Variants in STON2 observed in about 807,000 individuals in gnomAD.
STON2 encodes the protein stonin-2.
In STON2, 29 loss-of-function variants were observed where a neutral mutation model predicts 65.7. The observed-to-expected ratio is 0.44, with a 90% CI of 0.33 to 0.60. STON2 has a LOEUF of 0.60. Among genes scored for constraint, STON2 ranks in the 20% least tolerant of loss-of-function variants. The pLI is 0.03. For missense variants in STON2, 1,054 were observed against 1,118.1 expected, an observed-to-expected ratio of 0.94 and a Z score of 0.82; for synonymous variants, 404 against 414.2, an observed-to-expected ratio of 0.98 and a Z score of 0.30.
rs1899681824 is a variant in STON2, at chr14:81,384,316, C to CCT, written c.373+11577_373+11578insAG. Among the ~76,000 whole-genome samples the CCT allele has an allele frequency of 2.6e-5, 4 of 152,238 alleles. No homozygotes were observed. The South Asian group carries it at 8.3e-4, about 32-fold the overall frequency. On this transcript the variant is annotated intron_variant, in intron 3 of 7. Transcript: ENST00000614646. ...AGGCTGGAGTGTAGTGGCACAATCT[C>CCT]AACTCACTGCAACCTCTGCTTCCCC...
intron 5 of STON2, among the ~76,000 whole-genome samples, chr14:81,323,078 T>C (rs781651948): frequency 7.2e-5 from 11 of 152,248 alleles, no homozygotes; most frequent in Non-Finnish European, 1.3e-4. Flanking sequence ...CATGTAGCCT[T>C]GTCTTTCCTA....
Position 81,262,475 on chromosome 14 carries a change from C to A in STON2, c.*5939G>T. 1.0e-6 allele frequency: 1 copy of A among 983,418 alleles called. No homozygotes were observed. The highest frequency in any genetic ancestry group is 1.2e-6 in the Non-Finnish European group (1 of 828,036). 60.9% of individuals were successfully genotyped at this position (983,418 alleles called of 1,614,324 possible). ...TTTTCCTGGAGCTTCTTACTTTTAA[C>A]TTTAAGAGATGGCTTCTAGTTCAAG... On this transcript the variant is annotated 3_prime_UTR_variant, in exon 8 of 8. Coordinates refer to ENST00000614646, the MANE Select transcript of STON2 (RefSeq NM_001394390.1).
chr14:81,284,071 T>A (rs966599827), intron 5 of STON2, among the ~76,000 whole-genome samples: 1 of 152,212 alleles, frequency 6.6e-6, no homozygotes, highest in African/African-American at 2.4e-5. Context: ...CAATAAAATG[T>A]GTGTGTTCTG....
Position 81,361,117 on chromosome 14 carries a change from A to G in STON2, c.571+9871T>C, listed in dbSNP as rs150393886. Among the ~76,000 whole-genome samples the G allele has an allele frequency of 3.4e-3, 525 of 152,256 alleles. 4 individuals are homozygous for G. Among genetic ancestry groups the G allele is most frequent in the Non-Finnish European group, 5.3e-3 (361 of 67,986 alleles). On this transcript the variant is annotated intron_variant, in intron 4 of 7. Transcript: ENST00000614646. Reference sequence around the variant, plus strand: ...CAATCCCTATCAAAATTCCAATGTCATTTTTCATTAAAATAGAAAACAATC... The same window carrying G: ...CAATCCCTATCAAAATTCCAATGTCGTTTTTCATTAAAATAGAAAACAATC...
intron 4 of STON2, among the ~76,000 whole-genome samples, chr14:81,332,747 TAATAA>T (rs1284357334): frequency 6.6e-6 from 1 of 152,190 alleles, no homozygotes; most frequent in East Asian, 1.9e-4. Flanking sequence ...ATAATAACTA[TAATAA>T]AATAATAATA....
rs1299030093 is a variant in STON2 at position 81,277,235 on chromosome 14, C to T, written c.2247G>A (p.Thr749=). The change falls in exon 6 of 8, where the codon ACG becomes ACA. Residue 749 remains threonine, a synonymous_variant. Transcript: ENST00000614646. ...AEKTLPFTLR[T]ATSVNGAEVE... is the part of the protein sequence containing the mutation. ...CCTCTGCCCCATTGACACTTGTGGC[C>T]GTCCTGAGTGTGAAAGGCAAGGTCT... 2.0e-5 allele frequency: 33 copies of T among 1,614,070 alleles called. No homozygotes were observed. The highest frequency in any genetic ancestry group is 2.5e-5 in the Non-Finnish European group (30 of 1,180,034).
intron 5 of STON2, among the ~76,000 whole-genome samples, chr14:81,287,732 A>T (rs1045225792): frequency 6.6e-6 from 1 of 152,120 alleles, no homozygotes; most frequent in Non-Finnish European, 1.5e-5. Context: ...CTCTGGTTCT[A>T]AACTTCTGCC....
At chr14:81,369,849 C>G (rs796257619) in intron 4 of STON2, among the ~76,000 whole-genome samples, 1 of 152,194 alleles carries the variant, frequency 6.6e-6, no homozygotes, top group Non-Finnish European at 1.5e-5. Flanking sequence ...GCCTCAGCTG[C>G]TGAAGGTGTG....
chr14:81,381,688 G>A (rs767772958), intron 3 of STON2, among the ~76,000 whole-genome samples: 1 of 152,146 alleles, frequency 6.6e-6, no homozygotes, highest in African/African-American at 2.4e-5. Flanking sequence ...TGCAGCTGAG[G>A]AAATGGAGCC....
chr14:81,426,340 T>G (rs1341167599), intron 2 of STON2, among the ~76,000 whole-genome samples: 1 of 152,154 alleles, frequency 6.6e-6, no homozygotes, highest in Non-Finnish European at 1.5e-5. Flanking sequence ...AAGCACAAAC[T>G]AGAAACCTCG....
intron 5 of STON2, among the ~76,000 whole-genome samples, chr14:81,317,934 A>T (rs1289525597): frequency 6.6e-6 from 1 of 151,938 alleles, no homozygotes; most frequent in African/African-American, 2.4e-5. Flanking sequence ...TATCTTCAGG[A>T]CTTTCTCTTT....
intron 4 of STON2, 84 bp downstream of exon 4, chr14:81,370,904 A>G (rs1169554984): frequency 1.5e-6 from 2 of 1,295,040 alleles, no homozygotes; most frequent in East Asian, 2.3e-5. Context: ...AGCCAGCTGC[A>G]GCAATTTTTA....
chr14:81,344,520 C>CTGTA (rs1326660455), intron 4 of STON2, among the ~76,000 whole-genome samples: 12 of 152,180 alleles, frequency 7.9e-5, no homozygotes, highest in African/African-American at 2.9e-4. Flanking sequence ...TAGTATTCCA[C>CTGTA]TGTATGTATG....
rs150621878 is a variant in STON2, at chr14:81,278,049, C to T, written c.1433G>A (p.Arg478Gln). ...ELDAHPPGSA[R>Q]SQPRDGWPMM... The stretch of plus-strand genomic sequence containing the variant: ...TGGCCACCCGTCACGAGGCTGGGAC[C>T]GTGCTGATCCAGGCGGGTGAGCATC... Residue 478 changes from arginine (R) to glutamine (Q), a missense_variant, in exon 6 of 8, where the codon CGG (arginine) becomes CAG (glutamine). By Grantham distance (43) the Arg-to-Gln change is conservative (BLOSUM62 1). Coordinates refer to ENST00000614646, the MANE Select transcript of STON2 (RefSeq NM_001394390.1). The T allele has an allele frequency of 1.2e-6, 2 of 1,614,164 alleles. No individual in the cohort carries two copies. Among genetic ancestry groups the T allele is most frequent in the South Asian group, 2.2e-5 (2 of 91,072 alleles).
chr14:81,363,757 C>T (rs1018682038), intron 4 of STON2, among the ~76,000 whole-genome samples: 5 of 152,002 alleles, frequency 3.3e-5, no homozygotes, highest in African/African-American at 1.2e-4. Context: ...TTCTGTTATC[C>T]AAGCAAAATA....
At position 81,342,029 on chromosome 14, in the gene STON2, A is replaced by G. The variant is rs548632955; in HGVS notation, c.572-17842T>C. Among the ~76,000 whole-genome samples the G allele has an allele frequency of 2.6e-5, 4 of 152,320 alleles. No individual in the cohort carries two copies. In the East Asian group the frequency reaches 7.7e-4, roughly 29 times the overall value. ...TCTAGGAGTTCAGATGCTGGCTCACATAATACATGTTTAAGCATTTAAAAG... is the reference window on the plus strand; with the variant it reads ...TCTAGGAGTTCAGATGCTGGCTCACGTAATACATGTTTAAGCATTTAAAAG... On this transcript the variant is annotated intron_variant, in intron 4 of 7. Coordinates refer to ENST00000614646, the MANE Select transcript of STON2 (RefSeq NM_001394390.1).
At chr14:81,378,665 T>C (rs1283267005) in intron 3 of STON2, among the ~76,000 whole-genome samples, 2 of 152,244 alleles carry the variant, frequency 1.3e-5, no homozygotes, top group Admixed American at 6.5e-5. Flanking sequence ...GTACTGTATA[T>C]ATATATTATA....
At chr14:81,382,746 AAGAC>A (rs771769073) in intron 3 of STON2, among the ~76,000 whole-genome samples, 3 of 152,238 alleles carry the variant, frequency 2.0e-5, no homozygotes, top group Admixed American at 6.5e-5. Flanking sequence ...ATATCAAAAA[AAGAC>A]AGATTACTCA....
intron 2 of STON2, among the ~76,000 whole-genome samples, chr14:81,425,392 G>A (rs1039975943): frequency 1.6e-4 from 24 of 152,072 alleles, no homozygotes; most frequent in Middle Eastern, 3.2e-3. Flanking sequence ...AGCCAACAAA[G>A]TGAAACTCCA....
Sources: gnomAD v4.1 joint callset for allele counts (sites outside exome capture counted in the v4.1 genomes callset) on GRCh38, gnomAD v4.1.1 for gene constraint, MANE v1.5 for transcripts, NCBI Gene and HGNC (gene_info 2026-07-23, HGNC 2026-07-21) for gene names.